The following HDAC10 variants were observed in gnomAD, a reference collection of about 807,000 sequenced individuals.
The protein encoded by HDAC10 is polyamine deacetylase HDAC10.
In HDAC10, 90 loss-of-function variants were observed where a neutral mutation model predicts 82.3. The ratio of observed to expected loss-of-function variants is 1.09; its 90% CI spans 0.92 to 1.30. The LOEUF is 1.30. Among genes scored for constraint, HDAC10 ranks in the 50% most tolerant of loss-of-function variants. The probability of loss-of-function intolerance (pLI) is 0.00; values close to 1 mark genes in which losing one functional copy is unlikely to be tolerated. For missense variants in HDAC10, 934 were observed against 876.3 expected (o/e 1.07, Z -0.83); for synonymous variants, 456 against 391.7 (o/e 1.16, Z -1.94).
intron 3 of HDAC10, 106 bp from the exon 4 acceptor site, chr22:50,250,266 AG>A: frequency 7.9e-7 from 1 of 1,265,156 alleles, no homozygotes; most frequent in South Asian, 1.3e-5. Context: ...TGAGCAGAAC[AG>A]GCCAGCCCCA....
At position 50,249,935 on chromosome 22, in the gene HDAC10, G is replaced by C. The variant is rs2065045469; in HGVS notation, c.419C>G (p.Ala140Gly). 1 of 1,612,720 alleles carries C rather than the reference G, an allele frequency of 6.2e-7. No individual in the cohort carries two copies. The highest frequency in any genetic ancestry group is 1.1e-5 in the South Asian group (1 of 91,082). ...RPPGHHGQRAAANGFCVFNNV... is the reference protein window; with the variant it reads ...RPPGHHGQRAGANGFCVFNNV... ...GTTGAACACACAGAACCCGTTGGCA[G>C]CCGCCCTCTGGCCATGGTGCCCGGG... Residue 140 changes from alanine to glycine, a missense_variant, in exon 5 of 20, where the codon GCT becomes GGT. Coordinates refer to ENST00000216271, the MANE Select transcript of HDAC10 (RefSeq NM_032019.6). This position sits in a 1 kb window ranked among gnomAD's most constrained non-coding sequence, Gnocchi z 4.4.
At position 50,250,477 on chromosome 22, in the gene HDAC10, C is replaced by A. The variant is rs748690794; in HGVS notation, c.241G>T (p.Glu81Ter). The change falls in exon 3 of 20, where the codon GAG (glutamate) becomes TAG (stop). Residue 81 changes from glutamate (E) to a stop codon, truncating the protein, a stop_gained. Transcript: ENST00000216271. LOFTEE classifies it high-confidence loss of function. ...TGTCCGGACAGCGCCTGCAGCTCCT[C>A]CTTGCCTAGGACCTGGGTCTCCCTG... is the stretch of plus-strand genomic sequence containing the variant. The part of the protein sequence containing the change: ...LVRETQVLGK[E>*]ELQALSGQFD... The A allele has an allele frequency of 1.2e-6, 2 of 1,612,966 alleles. No homozygotes were observed. The highest frequency in any genetic ancestry group is 1.7e-5 in the Admixed American group (1 of 60,026).
Position 50,250,916 on chromosome 22 carries a change from TGAG to T in HDAC10, c.60-14_60-12del, listed in dbSNP as rs769989358. ...ATCTCGCACTCGGGGCTGGGGCAGATGAGGAGCTCAGTTCAGAGGTCCCTCCCC... is the reference window on the plus strand; with the variant it reads ...ATCTCGCACTCGGGGCTGGGGCAGATGAGCTCAGTTCAGAGGTCCCTCCCC... On this transcript the variant is annotated splice_polypyrimidine_tract_variant and intron_variant, in intron 1 of 19. Coordinates refer to ENST00000216271, the MANE Select transcript of HDAC10 (RefSeq NM_032019.6). The T allele has an allele frequency of 1.2e-6, 2 of 1,605,844 alleles. No homozygotes were observed. The highest frequency in any genetic ancestry group is 3.4e-5 in the Admixed American group (2 of 59,550).
At position 50,250,385 on chromosome 22, in the gene HDAC10, G is replaced by A. The variant is rs368759670; in HGVS notation, c.291+42C>T. 13 of 1,571,480 alleles carry A rather than the reference G, an allele frequency of 8.3e-6. No homozygotes were observed. The Admixed American group carries it at 8.3e-5, about 10-fold the overall frequency. On this transcript the variant is annotated intron_variant, in intron 3 of 19. Transcript: ENST00000216271. ...TGGCTGTGAACGCTCAAAGGCACGT[G>A]CATGTGTGTCTGCACAGGTGAGTGT...
chr22:50,248,724 A>C lies in HDAC10; in HGVS notation c.844T>G (p.Phe282Val). 1.3e-6 allele frequency: 2 copies of C among 1,570,330 alleles called. No individual in the cohort carries two copies. Among genetic ancestry groups the C allele is most frequent in the East Asian group, 4.6e-5 (2 of 43,144 alleles). ...EGQMQATPEC[F>V]AHLTQLLQVL... is the part of the protein sequence containing the mutation. ...TGCAGCAGCTGTGTGAGGTGGGCGAAGCACTCTGGCGTGGCCTGCATTTGC... is the reference window on the plus strand; with the variant it reads ...TGCAGCAGCTGTGTGAGGTGGGCGACGCACTCTGGCGTGGCCTGCATTTGC... Residue 282 changes from phenylalanine (F) to valine (V), a missense_variant, in exon 10 of 20, where the codon TTC (phenylalanine) becomes GTC (valine). Coordinates refer to ENST00000216271, the MANE Select transcript of HDAC10 (RefSeq NM_032019.6). The surrounding 1 kb of genome is among the most constrained non-coding windows in gnomAD (Gnocchi z 5.4).
Position 50,250,043 on chromosome 22 carries a change from G to A in HDAC10, c.389+20C>T, listed in dbSNP as rs749475905. 2 of 1,609,956 alleles carry A rather than the reference G, an allele frequency of 1.2e-6. No homozygotes were observed. Among genetic ancestry groups the A allele is most frequent in the South Asian group, 1.1e-5 (1 of 91,018 alleles). On this transcript the variant is annotated intron_variant, in intron 4 of 19. Transcript: ENST00000216271. ...AGGGCCACCCACGGAGGAGCAGCCA[G>A]GGGAAGGGGCAGCTCTCACCTCACC... is the stretch of plus-strand genomic sequence containing the variant.
Position 50,249,018 on chromosome 22 carries a change from C to A in HDAC10, c.756+85G>T. 6.9e-7 allele frequency: 1 copy of A among 1,445,190 alleles called. No individual in the cohort carries two copies. Among genetic ancestry groups the A allele is most frequent in the Non-Finnish European group, 9.5e-7 (1 of 1,049,310 alleles). 89.5% of individuals were successfully genotyped at this position (1,445,190 alleles called of 1,614,324 possible). ...CACACAGGAGTGGGACAGCTCATAA[C>A]CCTCCTCCTGCCTTCACTGGCGCAC... On this transcript the variant is annotated intron_variant, in intron 8 of 19. Transcript: ENST00000216271. This position sits in a 1 kb window ranked among gnomAD's most constrained non-coding sequence, Gnocchi z 4.4.
Position 50,249,235 on chromosome 22 carries a change from G to T in HDAC10, c.691-67C>A. The T allele has an allele frequency of 7.9e-7, 1 of 1,259,910 alleles. No individual in the cohort carries two copies. 78.0% of individuals were successfully genotyped at this position (1,259,910 alleles called of 1,614,324 possible). A position where few individuals can be genotyped will look rare whatever the true frequency, so the allele number is the denominator to read the frequency against. On this transcript the variant is annotated intron_variant, in intron 7 of 19. Coordinates refer to ENST00000216271, the MANE Select transcript of HDAC10 (RefSeq NM_032019.6). This position sits in a 1 kb window ranked among gnomAD's most constrained non-coding sequence, Gnocchi z 4.4. ...GGGAGGGGCCCGGGGGAGGGGGTGGGTGGGGACCTGGGGCTTGAGGGTGAA... is the reference window on the plus strand; with the variant it reads ...GGGAGGGGCCCGGGGGAGGGGGTGGTTGGGGACCTGGGGCTTGAGGGTGAA...
chr22:50,246,820 A>T lies in HDAC10; in HGVS notation c.1514+55T>A, dbSNP rs1303306905. The stretch of plus-strand genomic sequence containing the variant: ...CTCTCTGTGCTTGGCCAGCCAGGAT[A>T]GGGGTGCCCACAGGTCCTGCCGTCA... On this transcript the variant is annotated intron_variant, in intron 15 of 19. Transcript: ENST00000216271. The T allele has an allele frequency of 1.2e-5, 19 of 1,594,930 alleles. 1 individual carries two copies. The East Asian group carries it at 4.0e-4, about 34-fold the overall frequency.
Position 50,245,945 on chromosome 22 carries a change from G to T in HDAC10, c.1798C>A (p.Leu600Met), listed in dbSNP as rs201720171. The T allele has an allele frequency of 1.1e-5, 18 of 1,597,012 alleles. No individual in the cohort carries two copies. Among genetic ancestry groups the T allele is most frequent in the Admixed American group, 3.5e-5 (2 of 57,464 alleles). ...AGGGCCAGGACTCGGCCCCCTGCCA[G>T]CCCCCGAAGCATTGCAGCCAGGAGT... ...AALLAAMLRG[L>M]AGGRVLALLE... Residue 600 changes from leucine (L) to methionine (M), a missense_variant, in exon 18 of 20, where the codon CTG becomes ATG. By Grantham distance (15) the Leu-to-Met change is conservative. Coordinates refer to ENST00000216271, the MANE Select transcript of HDAC10 (RefSeq NM_032019.6).
In HDAC10 at chr22:50,251,205, T is replaced by C. The variant is rs1034705209; in HGVS notation, c.-173A>G. ...CACAGAACCTAGGCAGGCTCCGGGA[T>C]CCCAGGCGCGCAGAAGGCACGGAGC... On this transcript the variant is annotated 5_prime_UTR_variant, in exon 1 of 20. Coordinates refer to ENST00000216271, the MANE Select transcript of HDAC10 (RefSeq NM_032019.6). 7 of 613,894 alleles carry C rather than the reference T, an allele frequency of 1.1e-5. No individual in the cohort carries two copies. Among genetic ancestry groups the C allele is most frequent in the Admixed American group, 3.2e-5 (1 of 31,706 alleles). The allele number at this position is 613,894 out of a possible 1,614,324, so 38.0% of individuals were successfully genotyped here.
In HDAC10 at chr22:50,245,354, G is replaced by A; in HGVS notation, c.*153C>T. 1 of 654,568 alleles carries A rather than the reference G, an allele frequency of 1.5e-6. No homozygotes were observed. The highest frequency in any genetic ancestry group is 2.8e-6 in the Non-Finnish European group (1 of 359,566). The allele number at this position is 654,568 out of a possible 1,614,324, so 40.5% of individuals were successfully genotyped here. On this transcript the variant is annotated 3_prime_UTR_variant, in exon 20 of 20. Coordinates refer to ENST00000216271, the MANE Select transcript of HDAC10 (RefSeq NM_032019.6). ...GTGAGGGGTGGAGCGGGGGAAGCAC[G>A]GGTGGGAGAGGGCGGGGCGCGGGGA...
In HDAC10 at chr22:50,249,594, CTG is replaced by C. The variant is rs766225564; in HGVS notation, c.563+39_563+40del. The C allele has an allele frequency of 1.2e-6, 2 of 1,611,610 alleles. No individual in the cohort carries two copies. Among genetic ancestry groups the C allele is most frequent in the Admixed American group, 1.7e-5 (1 of 59,980 alleles). On this transcript the variant is annotated intron_variant, in intron 6 of 19. Coordinates refer to ENST00000216271, the MANE Select transcript of HDAC10 (RefSeq NM_032019.6). The surrounding 1 kb of genome is among the most constrained non-coding windows in gnomAD (Gnocchi z 4.4). ...CCAGGCCAGGCTGTGCACCCAAAAA[CTG>C]GGGCTGCAGGGAAGGGTGGTTTCCG...
In HDAC10 at chr22:50,246,090, C is replaced by T. The variant is rs766999237; in HGVS notation, c.1653G>A (p.Met551Ile). Residue 551 changes from methionine (M) to isoleucine (I), a missense_variant and splice_region_variant, in exon 18 of 20, where the codon ATG becomes ATA. By Grantham distance (10) the Met-to-Ile change is conservative (BLOSUM62 1). Transcript: ENST00000216271. ...AGATGCAGCTCAGGAAACCACCGGT[C>T]ATCTGTGGGGACAGCAGAGCCCAGC... is the stretch of plus-strand genomic sequence containing the variant. ...MFHVSTPLPVMTGGFLSCILG... is the reference protein window; with the variant it reads ...MFHVSTPLPVITGGFLSCILG... 1 of 1,603,624 alleles carries T rather than the reference C, an allele frequency of 6.2e-7. No individual in the cohort carries two copies. The highest frequency in any genetic ancestry group is 8.5e-7 in the Non-Finnish European group (1 of 1,173,780).
rs1258486406 is a variant in HDAC10 at position 50,251,245 on chromosome 22, A to AG, written c.-214dup. ...AGGCACGGAGCGAGGCTGCAGTCGAAGGGGGAGGCTCCCCGCGCCTGGCTT... is the reference window on the plus strand; with the variant it reads ...AGGCACGGAGCGAGGCTGCAGTCGAAGGGGGGAGGCTCCCCGCGCCTGGCTT... On this transcript the variant is annotated 5_prime_UTR_variant, in exon 1 of 20. Transcript: ENST00000216271. 3 of 491,320 alleles carry AG rather than the reference A, an allele frequency of 6.1e-6. No individual in the cohort carries two copies. Among genetic ancestry groups the AG allele is most frequent in the Non-Finnish European group, 1.1e-5 (3 of 279,274 alleles). 30.4% of individuals were successfully genotyped at this position (491,320 alleles called of 1,614,324 possible).
At position 50,249,368 on chromosome 22, in the gene HDAC10, C is replaced by T. The variant is rs745650779; in HGVS notation, c.650G>A (p.Gly217Glu). 2 of 1,612,476 alleles carry T rather than the reference C, an allele frequency of 1.2e-6. No individual in the cohort carries two copies. The highest frequency in any genetic ancestry group is 3.3e-5 in the Admixed American group (2 of 59,994). ...RESDADAVGR[G>E]QGLGFTVNLP... The stretch of plus-strand genomic sequence containing the variant: ...GTTGACAGTGAAGCCGAGGCCCTGT[C>T]CCCGCCCCACTGCGTCTGCATCTGA... The change falls in exon 7 of 20, where the codon GGA (glycine) becomes GAA (glutamate). Residue 217 changes from glycine (G) to glutamate (E), a missense_variant. Coordinates refer to ENST00000216271, the MANE Select transcript of HDAC10 (RefSeq NM_032019.6). This position sits in a 1 kb window ranked among gnomAD's most constrained non-coding sequence, Gnocchi z 4.4.
Position 50,245,542 on chromosome 22 carries a change from G to A in HDAC10, c.1987-12C>T. ...AGGTGAGGATGGCACTACAGGAGGA[G>A]CCGAGAAGAGGCGCGCAGTTGGCCT... On this transcript the variant is annotated splice_polypyrimidine_tract_variant and intron_variant, in intron 19 of 19. Coordinates refer to ENST00000216271, the MANE Select transcript of HDAC10 (RefSeq NM_032019.6). 1 of 1,089,430 alleles carries A rather than the reference G, an allele frequency of 9.2e-7. No homozygotes were observed. Among genetic ancestry groups the A allele is most frequent in the Non-Finnish European group, 1.4e-6 (1 of 702,594 alleles). The allele number at this position is 1,089,430 out of a possible 1,614,324, so 67.5% of individuals were successfully genotyped here. A position where few individuals can be genotyped will look rare whatever the true frequency, so the allele number is the denominator to read the frequency against.
Position 50,250,763 on chromosome 22 carries a change from G to A in HDAC10, c.194+8C>T. The A allele has an allele frequency of 6.3e-7, 1 of 1,587,558 alleles. No homozygotes were observed. The highest frequency in any genetic ancestry group is 8.6e-7 in the Non-Finnish European group (1 of 1,167,862). On this transcript the variant is annotated splice_region_variant and intron_variant, in intron 2 of 19. Coordinates refer to ENST00000216271, the MANE Select transcript of HDAC10 (RefSeq NM_032019.6). ...GCCCCCCATCGTGGGGCCTGCCCCC[G>A]TCCTGACCTGTGCACCAGGCCCAGC...
At position 50,249,431 on chromosome 22, in the gene HDAC10, C is replaced by A; in HGVS notation, c.587G>T (p.Arg196Leu). ...DPSVLYFSWH[R>L]YEHGRFWPFL... The stretch of plus-strand genomic sequence containing the variant: ...AGGCCAGAAGCGCCCATGCTCATAG[C>A]GGTGCCAGGAGAAGTAAAGGACGCT... The change falls in exon 7 of 20, where the codon CGC becomes CTC. Residue 196 changes from arginine (R) to leucine (L), a missense_variant. Transcript: ENST00000216271. The surrounding 1 kb of genome is among the most constrained non-coding windows in gnomAD (Gnocchi z 4.4). The A allele has an allele frequency of 1.2e-6, 2 of 1,612,672 alleles. No individual in the cohort carries two copies. Among genetic ancestry groups the A allele is most frequent in the South Asian group, 1.1e-5 (1 of 91,090 alleles).
Sources: gnomAD v4.1 joint callset for allele counts on GRCh38, gnomAD v4.1.1 for gene constraint, Gnocchi (gnomAD v3.1) non-coding constraint, MANE v1.5 for transcripts, NCBI Gene and HGNC (gene_info 2026-07-23, HGNC 2026-07-21) for gene names.